The following SLC6A17 variants were observed in gnomAD, a reference collection of about 807,000 sequenced individuals.
SLC6A17 encodes the protein solute carrier family 6 member 17, also known as sodium-dependent neutral amino acid transporter SLC6A17.
Under a neutral mutation model 64.5 loss-of-function variants are expected in SLC6A17, and 21 were observed. The ratio of observed to expected loss-of-function variants is 0.33; its 90% CI spans 0.23 to 0.47. SLC6A17 has a LOEUF of 0.47. Among genes scored for constraint, SLC6A17 ranks in the 20% least tolerant of loss-of-function variants. The probability of loss-of-function intolerance (pLI) is 1.00; values close to 1 mark genes in which losing one functional copy is unlikely to be tolerated. For synonymous variants in SLC6A17, 372 were observed against 399.5 expected (o/e 0.93, Z 0.82); for missense variants, 682 against 963.2 (o/e 0.71, Z 3.86).
At position 110,167,160 on chromosome 1, in the gene SLC6A17, T is replaced by A. The variant is rs767438294; in HGVS notation, c.231T>A (p.Ser77=). Reference sequence around the variant, plus strand: ...ACATCCTGGCCCAGATTGGCTTCTCTGTGGGCCTCGGCAACATCTGGAGGT... The same window carrying A: ...ACATCCTGGCCCAGATTGGCTTCTCAGTGGGCCTCGGCAACATCTGGAGGT... ...LQYILAQIGF[S]VGLGNIWRFP... is the part of the protein sequence containing the mutation. The change falls in exon 2 of 12, where the codon TCT becomes TCA. Residue 77 remains serine (S), a synonymous_variant. Coordinates refer to ENST00000331565, the MANE Select transcript of SLC6A17 (RefSeq NM_001010898.4). 4 of 1,613,686 alleles carry A rather than the reference T, an allele frequency of 2.5e-6. No individual in the cohort carries two copies. Among genetic ancestry groups the A allele is most frequent in the Non-Finnish European group, 3.4e-6 (4 of 1,179,902 alleles).
At position 110,200,220 on chromosome 1, in the gene SLC6A17, AC is replaced by A. The variant is rs889256251; in HGVS notation, c.*1779del. ...AAGCCTGGGAGCAGTCTATCCCCCA[AC>A]CCTGCCATCTCCCTTACTCATCCCT... On this transcript the variant is annotated 3_prime_UTR_variant, in exon 12 of 12. Coordinates refer to ENST00000331565, the MANE Select transcript of SLC6A17 (RefSeq NM_001010898.4). 2.3e-5 allele frequency: 9 copies of A among 396,948 alleles called. No individual in the cohort carries two copies. The highest frequency in any genetic ancestry group is 4.1e-5 in the African/African-American group (2 of 48,290). 24.6% of individuals were successfully genotyped at this position (396,948 alleles called of 1,614,324 possible). A position where few individuals can be genotyped will look rare whatever the true frequency, so the allele number is the denominator to read the frequency against.
intron 10 of SLC6A17, 98 bp downstream of exon 10, chr1:110,195,843 A>T: frequency 6.5e-7 from 1 of 1,529,204 alleles, no homozygotes; most frequent in Middle Eastern, 1.8e-4. Context: ...GGCAGAGCTG[A>T]AAGTGCCCTT....
Position 110,192,032 on chromosome 1 carries a change from T to C in SLC6A17, c.925T>C (p.Leu309=), listed in dbSNP as rs1365674508. Reference sequence around the variant, plus strand: ...GGCAGCTACCCAGGTCTTCTTTGCCTTGGGCCTGGGCTTTGGTGGTGTCAT... The same window carrying C: ...GGCAGCTACCCAGGTCTTCTTTGCCCTGGGCCTGGGCTTTGGTGGTGTCAT... The part of the protein sequence containing the change: ...REAATQVFFA[L]GLGFGGVIAF... The change falls in exon 7 of 12, where the codon TTG becomes CTG. Residue 309 remains leucine (L), a synonymous_variant. Transcript: ENST00000331565. The surrounding 1 kb of genome is among the most constrained non-coding windows in gnomAD (Gnocchi z 4.3). The C allele has an allele frequency of 3.7e-6, 6 of 1,614,202 alleles. No individual in the cohort carries two copies. The Admixed American group carries it at 1.0e-4, about 27-fold the overall frequency.
At chr1:110,155,428 A>T (rs569380073) in intron 1 of SLC6A17, among the ~76,000 whole-genome samples, 4 of 152,212 alleles carry the variant, frequency 2.6e-5, no homozygotes, top group Non-Finnish European at 5.9e-5. Flanking sequence ...ACTTACTCTC[A>T]TGTTCAGAAC....
chr1:110,195,867 G>T, intron 10 of SLC6A17, 122 bp downstream of exon 10: 1 of 1,387,890 alleles, frequency 7.2e-7, no homozygotes, highest in East Asian at 2.4e-5. Context: ...GATCATTTAG[G>T]GAAACTGAGG....
chr1:110,164,170 A>G (rs554759028), intron 1 of SLC6A17, among the ~76,000 whole-genome samples: 102 of 152,276 alleles, frequency 6.7e-4, no homozygotes, highest in Non-Finnish European at 1.0e-3. Context: ...GCACTCAGGA[A>G]ATGTATGTCA....
intron 8 of SLC6A17, among the ~76,000 whole-genome samples, chr1:110,193,138 A>G (rs1175758681): frequency 6.6e-6 from 1 of 152,124 alleles, no homozygotes; most frequent in African/African-American, 2.4e-5. Flanking sequence ...ATTGTTCCCT[A>G]CCTTACAGAT....
At chr1:110,190,227 T>C (rs1366343156) in intron 6 of SLC6A17, among the ~76,000 whole-genome samples, 4 of 152,010 alleles carry the variant, frequency 2.6e-5, no homozygotes, top group Non-Finnish European at 5.9e-5. Context: ...AAGGCCTGGG[T>C]TCTGGGCTTT....
At chr1:110,184,349 C>T (rs1171155297) in intron 6 of SLC6A17, among the ~76,000 whole-genome samples, 2 of 152,176 alleles carry the variant, frequency 1.3e-5, no homozygotes, top group African/African-American at 4.8e-5. Context: ...TTGTGATCCG[C>T]CCACCTCGGC....
chr1:110,196,075 A>G (rs542454119), intron 10 of SLC6A17, among the ~76,000 whole-genome samples: 18 of 152,230 alleles, frequency 1.2e-4, no homozygotes, highest in Non-Finnish European at 2.2e-4. Context: ...TTGCCCTCCA[A>G]GAACGTGTAG....
chr1:110,196,928 A>C (rs922889577), intron 10 of SLC6A17, among the ~76,000 whole-genome samples: 1 of 152,212 alleles, frequency 6.6e-6, no homozygotes, highest in Non-Finnish European at 1.5e-5. Flanking sequence ...GCAAGATTTT[A>C]GTTAGCGGTT....
At position 110,187,119 on chromosome 1, in the gene SLC6A17, T is replaced by TA. The variant is rs71580524; in HGVS notation, c.865-4844dup. Among the ~76,000 whole-genome samples, 7 of 83,284 alleles carry TA rather than the reference T, an allele frequency of 8.4e-5. No homozygotes were observed. In the East Asian group the frequency reaches 1.2e-3, roughly 14 times the overall value. 54.6% of individuals were successfully genotyped at this position (83,284 alleles called of 152,430 possible). ...GTGACCAGAGCTGTGTTCATCTTGT[T>TA]AAAAAAAAACAAAAACAAAAACAAA... On this transcript the variant is annotated intron_variant, in intron 6 of 11. Coordinates refer to ENST00000331565, the MANE Select transcript of SLC6A17 (RefSeq NM_001010898.4).
chr1:110,199,650 A>C lies in SLC6A17; in HGVS notation c.*1206A>C. On this transcript the variant is annotated 3_prime_UTR_variant, in exon 12 of 12. Coordinates refer to ENST00000331565, the MANE Select transcript of SLC6A17 (RefSeq NM_001010898.4). Reference sequence around the variant, plus strand: ...GCCCACAGTGGCCAGTGCCATAGGCAGTGCTGTGGACAGTAGAGGCTGCCA... The same window carrying C: ...GCCCACAGTGGCCAGTGCCATAGGCCGTGCTGTGGACAGTAGAGGCTGCCA... 3.6e-6 allele frequency: 1 copy of C among 279,002 alleles called. No homozygotes were observed. 17.3% of individuals were successfully genotyped at this position (279,002 alleles called of 1,614,324 possible).
chr1:110,198,003 G>A, intron 11 of SLC6A17, 73 bp from the exon 12 acceptor site: 1 of 1,537,010 alleles, frequency 6.5e-7, no homozygotes, highest in Non-Finnish European at 8.7e-7. Context: ...GGGCAGGAGA[G>A]CAGTCTTGGA....
intron 6 of SLC6A17, among the ~76,000 whole-genome samples, chr1:110,189,810 C>T (rs1053518358): frequency 6.6e-6 from 1 of 152,210 alleles, no homozygotes; most frequent in Non-Finnish European, 1.5e-5. Context: ...TGTGGCCTCG[C>T]TTTCATCAGC....
At chr1:110,197,176 C>T (rs1312822796) in intron 10 of SLC6A17, among the ~76,000 whole-genome samples, 1 of 152,200 alleles carries the variant, frequency 6.6e-6, no homozygotes, top group African/African-American at 2.4e-5. Context: ...AGACGTGCAC[C>T]TGCCCAGGGT....
chr1:110,194,638 C>T lies in SLC6A17; in HGVS notation c.1359C>T (p.Pro453=), dbSNP rs756041679. ...TCACTGAGGCCATGACGCACTTCCC[C>T]GCCTCCCCGTTCTGGTCCGTCATGT... ...IAFTEAMTHF[P]ASPFWSVMFF... is the part of the protein sequence containing the mutation. Residue 453 remains proline (P), a synonymous_variant, in exon 9 of 12, where the codon CCC becomes CCT. Coordinates refer to ENST00000331565, the MANE Select transcript of SLC6A17 (RefSeq NM_001010898.4). The T allele has an allele frequency of 1.4e-5, 23 of 1,614,084 alleles. No homozygotes were observed. Among genetic ancestry groups the T allele is most frequent in the East Asian group, 1.3e-4 (6 of 44,896 alleles).
At chr1:110,178,174 G>A (rs1039130863) in intron 6 of SLC6A17, 1 of 152,168 alleles carries the variant, frequency 6.6e-6, no homozygotes, top group African/African-American at 2.4e-5. Context: ...AGTCTAAAAC[G>A]TTCACTTCAG....
chr1:110,155,858 C>T (rs1022084452), intron 1 of SLC6A17, among the ~76,000 whole-genome samples: 2 of 152,194 alleles, frequency 1.3e-5, no homozygotes, highest in African/African-American at 4.8e-5. Context: ...TATAAGACTC[C>T]TGGGTTCCTG....
Sources: allele counts gnomAD v4.1 joint callset (sites outside exome capture counted in the v4.1 genomes callset), GRCh38; gene constraint gnomAD v4.1.1; non-coding constraint Gnocchi (gnomAD v3.1); transcripts MANE v1.5; gene names NCBI Gene and HGNC (gene_info 2026-07-23, HGNC 2026-07-21).